Variants in GRK3 observed in about 807,000 individuals in gnomAD.
The protein encoded by GRK3 is adrenergic, beta, receptor kinase 2.
A neutral mutation model predicts 95.7 loss-of-function variants in GRK3; 54 were observed. That is an observed-to-expected ratio of 0.56 (90% CI 0.45 to 0.71). The LOEUF (loss-of-function observed/expected upper bound fraction) is 0.71. GRK3 is among the 30% of genes least tolerant of loss of function. The pLI is 0.00. For missense variants in GRK3, 649 were observed against 851.2 expected (o/e 0.76, Z 2.96); for synonymous variants, 281 against 290.8 (o/e 0.97, Z 0.34).
intron 1 of GRK3, among the ~76,000 whole-genome samples, chr22:25,579,771 C>A (rs1036460416): frequency 6.6e-6 from 1 of 151,534 alleles, no homozygotes; most frequent in Non-Finnish European, 1.5e-5. Context: ...CGAGCCTGGC[C>A]GAGGGGACTT....
Position 25,675,152 on chromosome 22 carries a change from A to G in GRK3, c.647+624A>G, listed in dbSNP as rs193198952. ...GTGGCATGTTACGTTCAGCCTCCCC[A>G]TCAGATCACATGACAAAGAATTGTT... is the stretch of plus-strand genomic sequence containing the variant. On this transcript the variant is annotated intron_variant, in intron 8 of 20. Transcript: ENST00000324198. 2.0e-5 allele frequency among the ~76,000 whole-genome samples: 3 copies of G among 152,300 alleles called. No individual in the cohort carries two copies. The East Asian group carries it at 5.8e-4, about 29-fold the overall frequency.
intron 18 of GRK3, 102 bp from the exon 19 acceptor site, chr22:25,718,143 G>A (rs929593244): frequency 1.5e-6 from 2 of 1,350,410 alleles, no homozygotes; most frequent in Non-Finnish European, 2.0e-6. Context: ...ATAGAAACCT[G>A]CTTTTTCCAA....
intron 13 of GRK3, among the ~76,000 whole-genome samples, chr22:25,695,878 AGGCTGGAGTGCAGT>A (rs1359374637): frequency 7.1e-6 from 1 of 140,062 alleles, no homozygotes; most frequent in Non-Finnish European, 1.5e-5. Flanking sequence ...TCTGTCTCCC[AGGCTGGAGTGCAGT>A]GGCACATCTC....
intron 1 of GRK3, among the ~76,000 whole-genome samples, chr22:25,571,923 A>G (rs1232449100): frequency 6.6e-6 from 1 of 151,932 alleles, no homozygotes; most frequent in Non-Finnish European, 1.5e-5. Context: ...TGTTGTATGT[A>G]TGTATACATG....
chr22:25,707,095 A>G (rs1276598398), intron 15 of GRK3, among the ~76,000 whole-genome samples: 3 of 152,044 alleles, frequency 2.0e-5, no homozygotes, highest in South Asian at 2.1e-4. Flanking sequence ...ACCTAGGATT[A>G]CAGGCATGGG....
At chr22:25,661,860 G>A (rs774537751) in intron 4 of GRK3, among the ~76,000 whole-genome samples, 183 bp downstream of exon 4, 2 of 152,102 alleles carry the variant, frequency 1.3e-5, no homozygotes, top group Non-Finnish European at 2.9e-5. Context: ...GTGTTGCTTC[G>A]TGTAAGCTTA....
intron 2 of GRK3, among the ~76,000 whole-genome samples, chr22:25,637,043 G>A (rs569336636): frequency 4.6e-5 from 7 of 152,278 alleles, no homozygotes; most frequent in South Asian, 4.2e-4. Context: ...TCCATTGAGG[G>A]CCTGCAGGAA....
chr22:25,647,353 G>C, intron 3 of GRK3: 1 of 1,286,352 alleles, frequency 7.8e-7, no homozygotes, highest in Non-Finnish European at 1.1e-6. Flanking sequence ...TGAGCCATGG[G>C]AGCAGAACCC....
At chr22:25,594,381 C>T (rs1335021039) in intron 1 of GRK3, among the ~76,000 whole-genome samples, 1 of 152,122 alleles carries the variant, frequency 6.6e-6, no homozygotes, top group Non-Finnish European at 1.5e-5. Flanking sequence ...ATGCCAAAAC[C>T]TGGCAAAGAC....
chr22:25,711,062 T>A lies in GRK3; in HGVS notation c.1396-6T>A. 4 of 1,602,888 alleles carry A rather than the reference T, an allele frequency of 2.5e-6. No individual in the cohort carries two copies. The highest frequency in any genetic ancestry group is 3.4e-6 in the Non-Finnish European group (4 of 1,171,610). ...AAACTGTACCATGCTTGTTTGGATC[T>A]TCCAGTACCCACCACCCTTGATTCC... On this transcript the variant is annotated splice_polypyrimidine_tract_variant and splice_region_variant and intron_variant, in intron 16 of 20. Transcript: ENST00000324198.
At chr22:25,566,855 G>GGATTTC (rs1931506559) in intron 1 of GRK3, among the ~76,000 whole-genome samples, 1 of 151,400 alleles carries the variant, frequency 6.6e-6, no homozygotes, top group African/African-American at 2.4e-5. Context: ...TAAATATGTA[G>GGATTTC]TATTTCTATA....
intron 2 of GRK3, among the ~76,000 whole-genome samples, chr22:25,611,713 T>G (rs1569163568): frequency 6.6e-6 from 1 of 152,216 alleles, no homozygotes; most frequent in Non-Finnish European, 1.5e-5. Flanking sequence ...TGTTTTCTTC[T>G]GGTTGGTGGC....
intron 1 of GRK3, chr22:25,581,096 C>T (rs1456188700): frequency 2.6e-5 from 4 of 151,882 alleles, no homozygotes; most frequent in African/African-American, 9.7e-5. Flanking sequence ...ATTTGAGCAA[C>T]AGAGTGAGAC....
At chr22:25,675,847 G>T (rs988471604) in intron 8 of GRK3, among the ~76,000 whole-genome samples, 1 of 152,214 alleles carries the variant, frequency 6.6e-6, no homozygotes, top group African/African-American at 2.4e-5. Flanking sequence ...GCCTGGGCAG[G>T]GCGAGCCTGA....
At chr22:25,686,519 A>T in intron 10 of GRK3, among the ~76,000 whole-genome samples, 2 of 152,288 alleles carry the variant, frequency 1.3e-5, no homozygotes, top group South Asian at 4.1e-4. Context: ...GAATATGTGT[A>T]TGGAGAGAGA....
Position 25,727,229 on chromosome 22 carries a change from G to A in GRK3, c.*4779G>A, listed in dbSNP as rs2085482091. 6.6e-6 allele frequency: 1 copy of A among 151,948 alleles called. No individual in the cohort carries two copies. Among genetic ancestry groups the A allele is most frequent in the Non-Finnish European group, 1.5e-5 (1 of 68,004 alleles). 9.4% of individuals were successfully genotyped at this position (151,948 alleles called of 1,614,324 possible). ...ATTTAACATGATTTTTCCCTCCTAT[G>A]TAAAGTTTACTGGAGAGACTTGAAT... On this transcript the variant is annotated 3_prime_UTR_variant, in exon 21 of 21. Coordinates refer to ENST00000324198, the MANE Select transcript of GRK3 (RefSeq NM_005160.4).
At chr22:25,671,157 C>T (rs2084978951) in intron 6 of GRK3, among the ~76,000 whole-genome samples, 1 of 151,174 alleles carries the variant, frequency 6.6e-6, no homozygotes. Flanking sequence ...ATTGAGACCA[C>T]GGTGAAACCC....
At position 25,711,147 on chromosome 22, in the gene GRK3, A is replaced by G. The variant is rs769894689; in HGVS notation, c.1475A>G (p.Asp492Gly). The change falls in exon 17 of 21, where the codon GAT becomes GGT. Residue 492 changes from aspartate (D) to glycine (G), a missense_variant. Asp to Gly is a moderately conservative substitution (Grantham distance 94, BLOSUM62 -1). This residue lies in a region of GRK3 where 382 missense variants were observed against 493.8 expected (regional missense o/e 0.77). Coordinates refer to ENST00000324198, the MANE Select transcript of GRK3 (RefSeq NM_005160.4). ...AFDIGSFDEE[D>G]TKGIKLLDCD... ...GATATTGGCTCATTTGATGAAGAGG[A>G]TACCAAAGGGATTAAGGTACACATG... 6.2e-7 allele frequency: 1 copy of G among 1,609,900 alleles called. No homozygotes were observed. Among genetic ancestry groups the G allele is most frequent in the South Asian group, 1.1e-5 (1 of 90,842 alleles).
intron 13 of GRK3, among the ~76,000 whole-genome samples, chr22:25,696,221 C>T (rs963852643): frequency 1.3e-5 from 2 of 152,112 alleles, no homozygotes; most frequent in Non-Finnish European, 2.9e-5. Context: ...CTCAAGCCAT[C>T]CTCCCACCTC....
Sources: gnomAD v4.1 joint callset for allele counts (sites outside exome capture counted in the v4.1 genomes callset) on GRCh38, gnomAD v4.1.1 for gene constraint, gnomAD v4.1.1 regional missense constraint, MANE v1.5 for transcripts, NCBI Gene and HGNC (gene_info 2026-07-23, HGNC 2026-07-21) for gene names.